PRELID2: variants seen among roughly 807,000 people sequenced by gnomAD.
PRELID2 encodes the protein PRELI domain-containing protein 2.
PRELID2 carries 25 observed loss-of-function variants against 28.4 expected under a neutral mutation model. The observed-to-expected ratio is 0.88, with a 90% CI of 0.64 to 1.23. PRELID2 has a LOEUF of 1.23. Ranked by LOEUF, PRELID2 falls within the 50% of genes most tolerant of loss-of-function variation. The pLI, the probability that PRELID2 is intolerant of heterozygous loss-of-function variation, is 0.00. For synonymous variants in PRELID2, 76 were observed against 71.6 expected (o/e 1.06, Z -0.31); for missense variants, 201 against 214.4 (o/e 0.94, Z 0.39).
the PRELID2 span, among the ~76,000 whole-genome samples, chr5:145,349,344 C>T: frequency 6.6e-6 from 1 of 151,962 alleles, no homozygotes; most frequent in African/African-American, 2.4e-5. Context: ...TCAACATTTG[C>T]CATTATGGCT....
the PRELID2 span, among the ~76,000 whole-genome samples, chr5:145,423,503 T>C: frequency 6.6e-6 from 1 of 151,840 alleles, no homozygotes; most frequent in African/African-American, 2.4e-5. Context: ...CCATCACTGA[T>C]ACCCTTTCTT....
chr5:145,440,257 G>A, the PRELID2 span, among the ~76,000 whole-genome samples: 7 of 152,084 alleles, frequency 4.6e-5, no homozygotes, highest in Non-Finnish European at 7.4e-5. Flanking sequence ...TGAGAGGATA[G>A]AGCCTTCCCC....
In PRELID2 at chr5:145,640,310, T is replaced by TA. The variant is rs1170711062; in HGVS notation, n.70+124620dup. Among the ~76,000 whole-genome samples the TA allele has an allele frequency of 1.1e-4, 16 of 151,156 alleles. No homozygotes were observed. The East Asian group carries it at 2.1e-3, about 20-fold the overall frequency. On this transcript the variant is annotated intron_variant and non_coding_transcript_variant, in intron 1 of 2. Transcript: ENST00000510259. ...GACCACGGTGAAACCCCGTCTCTAC[T>TA]AAAAAAATACAAAAAATTAGCCGGG...
intron 1 of PRELID2, among the ~76,000 whole-genome samples, chr5:145,637,949 T>C (rs1047841949): frequency 2.0e-5 from 3 of 152,080 alleles, no homozygotes; most frequent in African/African-American, 7.2e-5. Flanking sequence ...TAGCTGGGAT[T>C]ACAGGCGCGC....
chr5:145,650,523 CATATATACATATATAT>C (rs1486008151), intron 1 of PRELID2, among the ~76,000 whole-genome samples: 925 of 91,718 alleles, frequency 0.01, 7 homozygotes, highest in South Asian at 0.029. Context: ...TCGAATCGCA[CATATATACATATATAT>C]ATATATATAT....
chr5:145,281,273 T>C, the PRELID2 span, among the ~76,000 whole-genome samples: 161 of 152,324 alleles, frequency 1.1e-3, no homozygotes, highest in African/African-American at 3.8e-3. Context: ...CTAGATCAAC[T>C]GTTTATCTCT....
the PRELID2 span, among the ~76,000 whole-genome samples, chr5:145,410,813 A>G: frequency 6.6e-6 from 1 of 152,132 alleles, no homozygotes; most frequent in Non-Finnish European, 1.5e-5. Context: ...ATTAAAAAAC[A>G]CAGTCATACC....
the PRELID2 span, among the ~76,000 whole-genome samples, chr5:145,346,003 G>A: frequency 6.6e-6 from 1 of 152,044 alleles, no homozygotes; most frequent in Non-Finnish European, 1.5e-5. Context: ...GCTGGTCCTA[G>A]GCTTGTGTAA....
intron 1 of PRELID2, among the ~76,000 whole-genome samples, chr5:145,664,807 C>T (rs1021500828): frequency 6.6e-6 from 1 of 152,056 alleles, no homozygotes; most frequent in Non-Finnish European, 1.5e-5. Flanking sequence ...AACTCCAGCA[C>T]GGCTTTGCTG....
the PRELID2 span, chr5:145,441,258 T>A: frequency 6.6e-6 from 1 of 152,096 alleles, no homozygotes; most frequent in African/African-American, 2.4e-5. Context: ...ACTCTCAAAG[T>A]TTCTGTACTG....
intron 1 of PRELID2, among the ~76,000 whole-genome samples, chr5:145,707,249 G>A (rs1338171947): frequency 1.3e-5 from 2 of 152,194 alleles, no homozygotes; most frequent in African/African-American, 4.8e-5. Flanking sequence ...GTTGCAGTGA[G>A]TGGCAGAGTC....
chr5:145,495,784 G>A (rs1023962196), intron 1 of PRELID2, among the ~76,000 whole-genome samples: 2 of 152,154 alleles, frequency 1.3e-5, no homozygotes, highest in African/African-American at 4.8e-5. Context: ...ACTTTGCTGG[G>A]ATGGTAGGTT....
chr5:145,373,304 C>CAT, the PRELID2 span, among the ~76,000 whole-genome samples: 4 of 78,148 alleles, frequency 5.1e-5, 1 homozygote, highest in Non-Finnish European at 7.6e-5. Flanking sequence ...ATATAATATA[C>CAT]GATATATATT....
the PRELID2 span, among the ~76,000 whole-genome samples, chr5:145,335,201 C>T: frequency 6.6e-6 from 1 of 151,788 alleles, no homozygotes; most frequent in African/African-American, 2.4e-5. Context: ...TTCAAATGAC[C>T]TATTTTTGAG....
At chr5:145,456,313 A>G in the PRELID2 span, among the ~76,000 whole-genome samples, 2 of 152,224 alleles carry the variant, frequency 1.3e-5, no homozygotes, top group Non-Finnish European at 2.9e-5. Flanking sequence ...GAATGTGAAG[A>G]TGACCACTGG....
At chr5:145,833,352 T>A (rs1421587073) in intron 1 of PRELID2, among the ~76,000 whole-genome samples, 7 of 152,162 alleles carry the variant, frequency 4.6e-5, no homozygotes, top group African/African-American at 1.7e-4. Context: ...TGACTCTTGA[T>A]GATGACAATC....
intron 1 of PRELID2, among the ~76,000 whole-genome samples, chr5:145,691,588 C>T (rs189205158): frequency 3.9e-5 from 6 of 152,056 alleles, no homozygotes; most frequent in East Asian, 3.9e-4. Flanking sequence ...TGTGGTGGCA[C>T]GTGCCTGTAG....
chr5:145,628,667 G>A (rs780509832), intron 1 of PRELID2, among the ~76,000 whole-genome samples: 3 of 152,060 alleles, frequency 2.0e-5, no homozygotes, highest in Non-Finnish European at 4.4e-5. Flanking sequence ...AACTTGAAGT[G>A]GAAGAAATAA....
the PRELID2 span, among the ~76,000 whole-genome samples, chr5:145,341,857 A>G: frequency 6.6e-6 from 1 of 152,202 alleles, no homozygotes; most frequent in Admixed American, 6.5e-5. Flanking sequence ...TTTGATATAA[A>G]TTTCCCAAGT....
Sources: allele counts gnomAD v4.1 joint callset (sites outside exome capture counted in the v4.1 genomes callset), GRCh38; gene constraint gnomAD v4.1.1; transcripts MANE v1.5; gene names NCBI Gene and HGNC (gene_info 2026-07-23, HGNC 2026-07-21).